MAST2: variants seen among roughly 807,000 people sequenced by gnomAD.
MAST2 encodes microtubule-associated serine/threonine-protein kinase 2.
In MAST2, 70 loss-of-function variants were observed where a neutral mutation model predicts 147.4. The ratio of observed to expected loss-of-function variants is 0.47; its 90% CI spans 0.39 to 0.58. The LOEUF is 0.58. Ranked by LOEUF, MAST2 falls within the 20% of genes least tolerant of loss-of-function variation. The pLI is 0.00. For synonymous variants in MAST2, 869 were observed against 896.8 expected (o/e 0.97, Z 0.55); for missense variants, 2,080 against 2,302.3 (o/e 0.90, Z 1.98).
chr1:45,998,019 T>G (rs1308285465), intron 6 of MAST2, among the ~76,000 whole-genome samples: 1 of 152,220 alleles, frequency 6.6e-6, no homozygotes, highest in Non-Finnish European at 1.5e-5. Flanking sequence ...TTTGAATGTT[T>G]AAACAGGAGA....
At chr1:45,813,779 A>T (rs537091998) in intron 1 of MAST2, among the ~76,000 whole-genome samples, 1 of 152,102 alleles carries the variant, frequency 6.6e-6, no homozygotes, top group Non-Finnish European at 1.5e-5. Flanking sequence ...GATTATAGGC[A>T]TGAACCACTG....
chr1:45,958,081 CA>C (rs1659895069), intron 4 of MAST2, among the ~76,000 whole-genome samples: 1 of 152,066 alleles, frequency 6.6e-6, no homozygotes, highest in African/African-American at 2.4e-5. Context: ...GGGAGACTGT[CA>C]GGTTAGAGAG....
intron 3 of MAST2, among the ~76,000 whole-genome samples, chr1:45,853,036 T>C (rs1400947233): frequency 6.6e-6 from 1 of 152,158 alleles, no homozygotes; most frequent in Non-Finnish European, 1.5e-5. Context: ...GTTAAAGTGA[T>C]TCTCATACCT....
intron 4 of MAST2, among the ~76,000 whole-genome samples, chr1:45,903,023 G>A (rs1473585225): frequency 6.6e-6 from 1 of 150,776 alleles, no homozygotes; most frequent in Non-Finnish European, 1.5e-5. Flanking sequence ...CTAGATTTGG[G>A]TTTGGCTTGT....
intron 5 of MAST2, among the ~76,000 whole-genome samples, chr1:45,988,184 T>C (rs568431615): frequency 5.3e-5 from 8 of 152,186 alleles, no homozygotes; most frequent in African/African-American, 1.9e-4. Context: ...AGCTAATTTA[T>C]TTTATTTTTT....
chr1:45,867,526 A>G (rs1250209554), intron 3 of MAST2, among the ~76,000 whole-genome samples: 3 of 152,232 alleles, frequency 2.0e-5, no homozygotes, highest in African/African-American at 7.2e-5. Context: ...TCATATAACC[A>G]CAGCCAAATT....
intron 4 of MAST2, among the ~76,000 whole-genome samples, chr1:45,953,578 G>A (rs1659240004): frequency 6.8e-6 from 1 of 147,448 alleles, no homozygotes. Flanking sequence ...TTGGGAAGGT[G>A]ACATTAGAAT....
chr1:45,994,447 C>T (rs1483451948), intron 5 of MAST2, among the ~76,000 whole-genome samples: 2 of 151,802 alleles, frequency 1.3e-5, no homozygotes, highest in Non-Finnish European at 2.9e-5. Flanking sequence ...CCAGCACAGC[C>T]GGTTAATTTT....
intron 3 of MAST2, among the ~76,000 whole-genome samples, chr1:45,854,530 T>A (rs1179038920): frequency 6.6e-6 from 1 of 152,114 alleles, no homozygotes; most frequent in Non-Finnish European, 1.5e-5. Context: ...TTTTAGTGAT[T>A]TTTTTTCTTT....
chr1:45,858,369 A>G (rs1484868675), intron 3 of MAST2, among the ~76,000 whole-genome samples: 2 of 152,006 alleles, frequency 1.3e-5, no homozygotes, highest in African/African-American at 4.8e-5. Context: ...GCCAGTGATG[A>G]TGAGCATTTT....
intron 3 of MAST2, among the ~76,000 whole-genome samples, chr1:45,867,746 C>G (rs879637785): frequency 2.6e-5 from 4 of 152,156 alleles, no homozygotes; most frequent in Non-Finnish European, 5.9e-5. Context: ...CAAGGACAGA[C>G]AAGTAGGTGT....
Position 46,030,209 on chromosome 1 carries a change from T to TTCTCTTCCTGCTC in MAST2, c.2527_2539dup (p.Pro847LeufsTer35), listed in dbSNP as rs761522174. 43 of 1,614,054 alleles carry TTCTCTTCCTGCTC rather than the reference T, an allele frequency of 2.7e-5. No individual in the cohort carries two copies. Among genetic ancestry groups the TTCTCTTCCTGCTC allele is most frequent in the Non-Finnish European group, 3.6e-5 (42 of 1,180,028 alleles). On this transcript the variant is annotated frameshift_variant, in exon 21 of 29. Transcript: ENST00000361297. LOFTEE classifies it high-confidence loss of function. ...GGATGGCTGCCTTGAGATCCGCCAG[T>TTCTCTTCCTGCTC]TCTCTTCCTGCTCTCCAAGGTTCAA... is the stretch of plus-strand genomic sequence containing the variant.
At chr1:45,894,300 A>C (rs573909836) in intron 4 of MAST2, among the ~76,000 whole-genome samples, 1 of 152,304 alleles carries the variant, frequency 6.6e-6, no homozygotes, top group East Asian at 1.9e-4. Flanking sequence ...ACAAATCTTC[A>C]AATAATCGTT....
chr1:45,945,691 G>T (rs568193269), intron 4 of MAST2, among the ~76,000 whole-genome samples: 1 of 152,172 alleles, frequency 6.6e-6, no homozygotes, highest in Non-Finnish European at 1.5e-5. Context: ...CTTAAACTAT[G>T]TATGTATTGG....
At chr1:45,940,885 C>G (rs1657160126) in intron 4 of MAST2, among the ~76,000 whole-genome samples, 1 of 152,194 alleles carries the variant, frequency 6.6e-6, no homozygotes, top group African/African-American at 2.4e-5. Flanking sequence ...TCCCAAAGTG[C>G]TGGGATTACA....
intron 3 of MAST2, among the ~76,000 whole-genome samples, chr1:45,861,307 G>A (rs1209081844): frequency 6.6e-6 from 1 of 152,176 alleles, no homozygotes; most frequent in Non-Finnish European, 1.5e-5. Flanking sequence ...GAGCAGATTG[G>A]TGGGACTGTA....
Position 46,035,667 on chromosome 1 carries a change from C to T in MAST2, c.4998C>T (p.Asp1666=). The T allele has an allele frequency of 6.2e-7, 1 of 1,614,006 alleles. No homozygotes were observed. The highest frequency in any genetic ancestry group is 8.5e-7 in the Non-Finnish European group (1 of 1,180,016). The change falls in exon 29 of 29, where the codon GAC becomes GAT. Residue 1666 remains aspartate, a synonymous_variant. Transcript: ENST00000361297. The surrounding 1 kb of genome is among the most constrained non-coding windows in gnomAD (Gnocchi z 5.5). ...GGAAATCCCTTATTGAGGGCCCAGA[C>T]AGGGCATCCCCAAGCAGAAAGGCAA... ...WSWKSLIEGP[D]RASPSRKATM... is the part of the protein sequence containing the mutation.
At chr1:45,892,564 G>A (rs190413800) in intron 4 of MAST2, among the ~76,000 whole-genome samples, 24 of 152,266 alleles carry the variant, frequency 1.6e-4, no homozygotes, top group Non-Finnish European at 2.9e-5. Context: ...GAATGATCTG[G>A]AAGTTGTCCA....
intron 5 of MAST2, among the ~76,000 whole-genome samples, chr1:45,963,115 T>G (rs1660671971): frequency 6.6e-6 from 1 of 152,192 alleles, no homozygotes; most frequent in South Asian, 2.1e-4. Context: ...TCTGTTCCAT[T>G]GGTCGATATC....
Sources: gnomAD v4.1 joint callset for allele counts (sites outside exome capture counted in the v4.1 genomes callset) on GRCh38, gnomAD v4.1.1 for gene constraint, Gnocchi (gnomAD v3.1) non-coding constraint, MANE v1.5 for transcripts, NCBI Gene and HGNC (gene_info 2026-07-23, HGNC 2026-07-21) for gene names.